The following GREB1L variants were observed in gnomAD, a reference collection of about 807,000 sequenced individuals.
GREB1L encodes the protein GREB1 like retinoic acid receptor coactivator, also known as GREB1-like protein.
A neutral mutation model predicts 200.8 loss-of-function variants in GREB1L; 17 were observed. The observed-to-expected ratio is 0.08, with a 90% CI of 0.06 to 0.13. The LOEUF (loss-of-function observed/expected upper bound fraction) is 0.13. GREB1L is among the 10% of genes least tolerant of loss of function. The pLI, the probability that GREB1L is intolerant of heterozygous loss-of-function variation, is 1.00. For missense variants in GREB1L, 1,657 were observed against 2,367.7 expected, an observed-to-expected ratio of 0.70 and a Z score of 6.23; for synonymous variants, 789 against 893.0, an observed-to-expected ratio of 0.88 and a Z score of 2.08.
chr18:21,475,515 G>A (rs147759001), intron 16 of GREB1L, among the ~76,000 whole-genome samples: 63 of 152,020 alleles, frequency 4.1e-4, no homozygotes, highest in African/African-American at 1.4e-3. Context: ...CCCGCCACAC[G>A]TCTGGCTAAT....
chr18:21,246,012 A>G (rs2037594321), intron 1 of GREB1L, among the ~76,000 whole-genome samples: 1 of 152,262 alleles, frequency 6.6e-6, no homozygotes, highest in Non-Finnish European at 1.5e-5. Context: ...GTGAGCCACC[A>G]TGCCTGGCCT....
chr18:21,323,940 G>A (rs780739202), intron 1 of GREB1L, among the ~76,000 whole-genome samples: 5 of 152,212 alleles, frequency 3.3e-5, no homozygotes, highest in South Asian at 2.1e-4. Context: ...CAAATACAGC[G>A]TGTACTCACT....
intron 7 of GREB1L, among the ~76,000 whole-genome samples, chr18:21,407,273 A>C (rs973553301): frequency 1.3e-5 from 2 of 152,182 alleles, no homozygotes; most frequent in Non-Finnish European, 2.9e-5. Context: ...ATTTTTATCT[A>C]TCTGCATTAT....
At chr18:21,357,716 G>A (rs1196010489) in intron 1 of GREB1L, among the ~76,000 whole-genome samples, 1 of 152,156 alleles carries the variant, frequency 6.6e-6, no homozygotes, top group Non-Finnish European at 1.5e-5. Flanking sequence ...ATCAGTTATT[G>A]AAGAGACTGT....
chr18:21,309,045 A>G (rs1233681546), intron 1 of GREB1L, among the ~76,000 whole-genome samples: 2 of 152,222 alleles, frequency 1.3e-5, no homozygotes, highest in Non-Finnish European at 2.9e-5. Flanking sequence ...GGGCAGATGG[A>G]AGATTTCAGT....
intron 15 of GREB1L, among the ~76,000 whole-genome samples, chr18:21,462,885 C>G (rs1045526187): frequency 6.6e-6 from 1 of 152,074 alleles, no homozygotes; most frequent in East Asian, 1.9e-4. Flanking sequence ...TTAATACAAA[C>G]AAATGGAGGA....
intron 1 of GREB1L, among the ~76,000 whole-genome samples, chr18:21,333,094 G>A (rs73432762): frequency 0.19 from 28,912 of 149,802 alleles, 6,520 homozygotes; most frequent in African/African-American, 0.55. Context: ...ACACACACAC[G>A]CGCGCGCGCG....
At chr18:21,267,721 A>G (rs1178189314) in intron 1 of GREB1L, among the ~76,000 whole-genome samples, 6 of 151,982 alleles carry the variant, frequency 3.9e-5, no homozygotes, top group Non-Finnish European at 8.8e-5. Flanking sequence ...TATTTGCAGG[A>G]ATTTTTTTTT....
At chr18:21,340,229 A>C (rs77489930) in intron 1 of GREB1L, among the ~76,000 whole-genome samples, 1,771 of 152,208 alleles carry the variant, frequency 0.012, 38 homozygotes, top group African/African-American at 0.04. Flanking sequence ...CATCTTGGCT[A>C]ACATGGTAAA....
At chr18:21,469,900 T>A (rs2035413066) in intron 15 of GREB1L, among the ~76,000 whole-genome samples, 1 of 152,118 alleles carries the variant, frequency 6.6e-6, no homozygotes, top group Admixed American at 6.5e-5. Context: ...GAGACAAACC[T>A]CTCCCATGTT....
chr18:21,353,778 T>G (rs2039467111), intron 1 of GREB1L, among the ~76,000 whole-genome samples: 1 of 152,138 alleles, frequency 6.6e-6, no homozygotes, highest in Admixed American at 6.6e-5. Flanking sequence ...TTTTAGTGTC[T>G]CATATAAGTT....
At position 21,518,100 on chromosome 18, in the gene GREB1L, C is replaced by G. The variant is rs920058631; in HGVS notation, c.5338C>G (p.Leu1780Val). 7.7e-6 allele frequency: 12 copies of G among 1,551,648 alleles called. No homozygotes were observed. In the Admixed American group the frequency reaches 1.2e-4, roughly 15 times the overall value. The change falls in exon 31 of 33, where the codon CTA becomes GTA. Residue 1780 changes from leucine (L) to valine (V), a missense_variant. Around this residue, in one of 9 missense-constraint regions of GREB1L, gnomAD observed 190 missense variants for 230.2 expected, o/e 0.83. Coordinates refer to ENST00000424526, the MANE Select transcript of GREB1L (RefSeq NM_001142966.3). ...CTGTGCTCCCGACAGTGAACACACACTACTGGCAGCCCCTGCACAGTTTCT... is the reference window on the plus strand; with the variant it reads ...CTGTGCTCCCGACAGTGAACACACAGTACTGGCAGCCCCTGCACAGTTTCT... Reference protein sequence around the residue: ...YICAPDSEHTLLAAPAQFLLE... With the variant: ...YICAPDSEHTVLAAPAQFLLE...
intron 1 of GREB1L, among the ~76,000 whole-genome samples, chr18:21,286,829 T>C (rs937211711): frequency 2.0e-5 from 3 of 152,148 alleles, no homozygotes; most frequent in Non-Finnish European, 4.4e-5. Context: ...ATTTTGTTTT[T>C]AGAGATAGGG....
intron 14 of GREB1L, among the ~76,000 whole-genome samples, chr18:21,454,086 T>C (rs78631423): frequency 9.5e-4 from 144 of 152,266 alleles, no homozygotes; most frequent in African/African-American, 3.3e-3. Context: ...TGGGTTGGGA[T>C]AGGGGTGTTG....
chr18:21,525,708 A>AGTGT lies in GREB1L; in HGVS notation c.*2888_*2891dup, dbSNP rs1331344212. 6.6e-6 allele frequency among the ~76,000 whole-genome samples: 1 copy of AGTGT among 152,224 alleles called. No homozygotes were observed. The highest frequency in any genetic ancestry group is 2.4e-5 in the African/African-American group (1 of 41,460). On this transcript the variant is annotated 3_prime_UTR_variant, in exon 33 of 33. Transcript: ENST00000424526. ...GTTAAAACTTCTCAAACTTTTTGAG[A>AGTGT]GTGTCTCAAAGTTGCTAGAACTATG...
chr18:21,396,282 TG>T (rs1318794377), intron 5 of GREB1L, among the ~76,000 whole-genome samples: 2 of 152,150 alleles, frequency 1.3e-5, no homozygotes, highest in Non-Finnish European at 2.9e-5. Context: ...TGACCTCAGA[TG>T]ATCTGCCTGC....
intron 1 of GREB1L, among the ~76,000 whole-genome samples, chr18:21,345,660 G>A (rs913688650): frequency 1.3e-5 from 2 of 151,970 alleles, no homozygotes; most frequent in Non-Finnish European, 2.9e-5. Context: ...ATCACTTGAG[G>A]TCAGGAGTTC....
At chr18:21,266,995 A>G (rs1464674269) in intron 1 of GREB1L, among the ~76,000 whole-genome samples, 2 of 152,002 alleles carry the variant, frequency 1.3e-5, no homozygotes, top group Non-Finnish European at 2.9e-5. Flanking sequence ...GTGCAATGGC[A>G]TGGTCTTGGC....
chr18:21,492,617 G>A (rs2036386758), intron 19 of GREB1L, among the ~76,000 whole-genome samples: 1 of 152,204 alleles, frequency 6.6e-6, no homozygotes, highest in Non-Finnish European at 1.5e-5. Flanking sequence ...GTCAAGGCCT[G>A]AGGTTCTTCA....
Sources: allele counts gnomAD v4.1 joint callset (sites outside exome capture counted in the v4.1 genomes callset), GRCh38; gene constraint gnomAD v4.1.1; regional missense constraint gnomAD v4.1.1; transcripts MANE v1.5; gene names NCBI Gene and HGNC (gene_info 2026-07-23, HGNC 2026-07-21).